Variants in CEP112 observed in about 807,000 individuals in gnomAD.
CEP112 encodes the protein centrosomal protein of 112 kDa.
CEP112 carries 127 observed loss-of-function variants against 153.0 expected under a neutral mutation model. That is an observed-to-expected ratio of 0.83 (90% CI 0.72 to 0.96). CEP112 has a LOEUF of 0.96. Among genes scored for constraint, CEP112 ranks in the 40% least tolerant of loss-of-function variants. CEP112 has a pLI of 0.00. For synonymous variants in CEP112, 358 were observed against 374.4 expected, an observed-to-expected ratio of 0.96 and a Z score of 0.51; for missense variants, 1,089 against 1,101.2, an observed-to-expected ratio of 0.99 and a Z score of 0.16.
intron 12 of CEP112, among the ~76,000 whole-genome samples, chr17:66,032,404 G>T (rs2065528615): frequency 6.6e-6 from 1 of 151,670 alleles, no homozygotes; most frequent in African/African-American, 2.4e-5. Context: ...TGCAGTATCA[G>T]TGTACTTAGG....
chr17:66,168,916 G>A (rs550622084), intron 4 of CEP112, among the ~76,000 whole-genome samples: 1 of 152,148 alleles, frequency 6.6e-6, no homozygotes, highest in African/African-American at 2.4e-5. Context: ...ACCAACCCTT[G>A]TGCTTCTCCA....
chr17:66,121,992 T>G (rs1375202674), intron 6 of CEP112, among the ~76,000 whole-genome samples: 1 of 152,158 alleles, frequency 6.6e-6, no homozygotes, highest in Non-Finnish European at 1.5e-5. Context: ...CTTCCCAGGT[T>G]CAAGTGATCC....
chr17:66,174,562 C>G (rs1218763153), intron 4 of CEP112, among the ~76,000 whole-genome samples: 1 of 152,006 alleles, frequency 6.6e-6, no homozygotes, highest in African/African-American at 2.4e-5. Context: ...TTCCCTAAAG[C>G]CAAAAACTAT....
At chr17:65,778,611 G>C (rs536109051) in intron 21 of CEP112, among the ~76,000 whole-genome samples, 2 of 152,066 alleles carry the variant, frequency 1.3e-5, no homozygotes, top group African/African-American at 2.4e-5. Flanking sequence ...AAAAAAGAAG[G>C]CTGTATGGGC....
At chr17:65,772,556 C>T (rs114845870) in intron 21 of CEP112, among the ~76,000 whole-genome samples, 1,959 of 151,346 alleles carry the variant, frequency 0.013, 42 homozygotes, top group African/African-American at 0.044. Context: ...TTAGAAAACT[C>T]AAAGACCCCT....
At chr17:65,768,200 T>C (rs2053113846) in intron 21 of CEP112, among the ~76,000 whole-genome samples, 1 of 152,122 alleles carries the variant, frequency 6.6e-6, no homozygotes, top group Non-Finnish European at 1.5e-5. Context: ...ACTTTATTTT[T>C]ACAGTAAAGT....
chr17:65,925,598 C>G (rs116659920), intron 19 of CEP112, among the ~76,000 whole-genome samples: 3 of 152,140 alleles, frequency 2.0e-5, no homozygotes, highest in African/African-American at 7.2e-5. Flanking sequence ...GCATTTTCTA[C>G]GTTTTTACAT....
At chr17:65,668,578 C>T (rs1054343905) in intron 24 of CEP112, among the ~76,000 whole-genome samples, 3 of 152,168 alleles carry the variant, frequency 2.0e-5, no homozygotes, top group Non-Finnish European at 4.4e-5. Context: ...CTGTATGTGG[C>T]TTTCGGGAAG....
Position 65,782,221 on chromosome 17 carries a change from G to C in CEP112, c.2395-31497C>G, listed in dbSNP as rs544357252. On this transcript the variant is annotated intron_variant, in intron 21 of 26. Transcript: ENST00000535342. ...ACATTTCTCAAAAGAAGACATACAA[G>C]TGGCCAACAAACATATGAAAAAAAA... 5.9e-5 allele frequency among the ~76,000 whole-genome samples: 9 copies of C among 152,074 alleles called. No homozygotes were observed. The South Asian group carries it at 1.9e-3, about 32-fold the overall frequency.
intron 4 of CEP112, among the ~76,000 whole-genome samples, chr17:66,168,992 A>C (rs1568570919): frequency 6.6e-6 from 1 of 152,158 alleles, no homozygotes; most frequent in East Asian, 1.9e-4. Context: ...CTCTTCTTTC[A>C]AAGGCAACTT....
chr17:66,136,305 G>A, intron 4 of CEP112, among the ~76,000 whole-genome samples: 1 of 152,046 alleles, frequency 6.6e-6, no homozygotes, highest in East Asian at 1.9e-4. Context: ...TTCTCCCTGG[G>A]GAACGAAAAA....
intron 20 of CEP112, among the ~76,000 whole-genome samples, chr17:65,882,284 A>G (rs990506559): frequency 9.2e-5 from 14 of 152,220 alleles, no homozygotes; most frequent in African/African-American, 3.4e-4. Context: ...TTTTATATGT[A>G]TGCTTCTTTG....
At chr17:65,793,889 T>G (rs2145752083) in intron 21 of CEP112, among the ~76,000 whole-genome samples, 1 of 152,346 alleles carries the variant, frequency 6.6e-6, no homozygotes. Context: ...TTGACCTATA[T>G]CTTATTTCTC....
chr17:66,190,304 C>T (rs1349980422), intron 1 of CEP112, among the ~76,000 whole-genome samples: 12 of 145,040 alleles, frequency 8.3e-5, no homozygotes, highest in African/African-American at 2.3e-4. Context: ...AGCAAAGCTC[C>T]GTCTCAAAAA....
At chr17:65,869,885 G>A (rs1369426931) in intron 20 of CEP112, among the ~76,000 whole-genome samples, 1 of 151,792 alleles carries the variant, frequency 6.6e-6, no homozygotes, top group Non-Finnish European at 1.5e-5. Context: ...ACGCCAGGCC[G>A]ATAAACTTTA....
intron 24 of CEP112, among the ~76,000 whole-genome samples, chr17:65,653,348 T>A (rs1310801827): frequency 6.6e-6 from 1 of 152,214 alleles, no homozygotes; most frequent in Non-Finnish European, 1.5e-5. Flanking sequence ...TAAGGGAAAA[T>A]AACATATACT....
intron 21 of CEP112, among the ~76,000 whole-genome samples, chr17:65,831,706 G>T (rs1465830139): frequency 6.6e-6 from 1 of 151,902 alleles, no homozygotes; most frequent in African/African-American, 2.4e-5. Flanking sequence ...TCTTAGAAAA[G>T]ATAATACAAT....
rs1265931939 is a variant in CEP112, at chr17:65,902,202, T to C, written c.2113A>G (p.Asn705Asp). 1.2e-6 allele frequency: 2 copies of C among 1,613,894 alleles called. No individual in the cohort carries two copies. The highest frequency in any genetic ancestry group is 2.2e-5 in the South Asian group (2 of 91,068). ...ENLEKQLRAA[N>D]MEHENQIQEF... ...TGAATTTGATTTTCGTGCTCCATAT[T>C]GGCAGCGCGAAGCTGTTTTTCCAGG... Residue 705 changes from asparagine to aspartate, a missense_variant, in exon 20 of 27, where the codon AAT becomes GAT. Physicochemically the swap from Asn to Asp is conservative, Grantham distance 23. Coordinates refer to ENST00000535342, the MANE Select transcript of CEP112 (RefSeq NM_001199165.4).
intron 6 of CEP112, among the ~76,000 whole-genome samples, chr17:66,110,550 C>T (rs1227994518): frequency 6.6e-6 from 1 of 151,560 alleles, no homozygotes; most frequent in Non-Finnish European, 1.5e-5. Flanking sequence ...TTCCTCACAC[C>T]ATATATAATA....
Sources: allele counts gnomAD v4.1 joint callset (sites outside exome capture counted in the v4.1 genomes callset), GRCh38; gene constraint gnomAD v4.1.1; transcripts MANE v1.5; gene names NCBI Gene and HGNC (gene_info 2026-07-23, HGNC 2026-07-21).